Variants in DGLUCY observed in about 807,000 individuals in gnomAD.
DGLUCY encodes the protein D-glutamate cyclase, mitochondrial.
Under a neutral mutation model 58.5 loss-of-function variants are expected in DGLUCY, and 58 were observed. That is an observed-to-expected ratio of 0.99 (90% CI 0.80 to 1.23). The LOEUF is 1.23. Ranked by LOEUF, DGLUCY falls within the 50% of genes most tolerant of loss-of-function variation. The pLI, the probability that DGLUCY is intolerant of heterozygous loss-of-function variation, is 0.00. For synonymous variants in DGLUCY, 325 were observed against 314.1 expected (o/e 1.03, Z -0.37); for missense variants, 779 against 784.7 (o/e 0.99, Z 0.09).
chr14:91,141,375 A>G (rs2140252510), intron 1 of DGLUCY, among the ~76,000 whole-genome samples: 1 of 151,982 alleles, frequency 6.6e-6, no homozygotes, highest in East Asian at 1.9e-4. Context: ...GCCATCTAAA[A>G]AAAAAAAAAG....
intron 6 of DGLUCY, among the ~76,000 whole-genome samples, chr14:91,175,221 T>G (rs528269487): frequency 2.0e-5 from 3 of 152,202 alleles, no homozygotes; most frequent in South Asian, 2.1e-4. Context: ...CCCCAGCGTA[T>G]TCACTCAATC....
At chr14:91,122,657 A>C (rs1307449069) in intron 1 of DGLUCY, among the ~76,000 whole-genome samples, 7 of 127,778 alleles carry the variant, frequency 5.5e-5, no homozygotes, top group Non-Finnish European at 7.7e-5. Flanking sequence ...GACTGGAGTG[A>C]AGTGGCTCGA....
chr14:91,108,549 G>GAGAA (rs2044639278), intron 1 of DGLUCY, among the ~76,000 whole-genome samples: 1 of 150,112 alleles, frequency 6.7e-6, no homozygotes, highest in East Asian at 2.0e-4. Context: ...GAGAGAGAGA[G>GAGAA]AGAGAGAGAG....
chr14:91,180,744 GTGCCATAAGGAAAAATAGAAACGA>G (rs934359323), intron 7 of DGLUCY, among the ~76,000 whole-genome samples: 5 of 152,134 alleles, frequency 3.3e-5, no homozygotes, highest in East Asian at 1.9e-4. Flanking sequence ...CAAAATGTAA[GTGCCATAAGGAAAAATAGAAACGA>G]TGCCATAAGG....
intron 1 of DGLUCY, among the ~76,000 whole-genome samples, chr14:91,143,875 A>G (rs1263684020): frequency 1.3e-5 from 2 of 152,156 alleles, no homozygotes; most frequent in Non-Finnish European, 2.9e-5. Context: ...CGGAGACACA[A>G]ATATGCAAAG....
At chr14:91,190,729 A>G (rs1036493807) in intron 9 of DGLUCY, among the ~76,000 whole-genome samples, 7 of 151,974 alleles carry the variant, frequency 4.6e-5, no homozygotes, top group African/African-American at 1.7e-4. Context: ...AAGTGGGACG[A>G]GGGACAGAGA....
At chr14:91,140,114 A>G (rs1204065296) in intron 1 of DGLUCY, among the ~76,000 whole-genome samples, 1 of 152,232 alleles carries the variant, frequency 6.6e-6, no homozygotes, top group Non-Finnish European at 1.5e-5. Context: ...CTCAGCTTTC[A>G]GCTTCATTTT....
intron 3 of DGLUCY, among the ~76,000 whole-genome samples, chr14:91,160,930 G>C (rs546952743): frequency 5.3e-5 from 8 of 152,288 alleles, no homozygotes; most frequent in Non-Finnish European, 1.0e-4. Context: ...GTCTGGTTAT[G>C]GTATAAGTGC....
At chr14:91,165,922 A>C (rs1021335579) in intron 3 of DGLUCY, among the ~76,000 whole-genome samples, 1 of 152,220 alleles carries the variant, frequency 6.6e-6, no homozygotes, top group African/African-American at 2.4e-5. Flanking sequence ...ATTTGTCATA[A>C]CCCCAAATTG....
chr14:91,186,701 G>A (rs111256739), intron 8 of DGLUCY, among the ~76,000 whole-genome samples: 6 of 152,104 alleles, frequency 3.9e-5, no homozygotes, highest in African/African-American at 1.2e-4. Flanking sequence ...CAGTGGGCAC[G>A]AGAAGTGACT....
chr14:91,113,255 G>A (rs1274616472), upstream of DGLUCY, among the ~76,000 whole-genome samples: 5 of 152,146 alleles, frequency 3.3e-5, no homozygotes, highest in South Asian at 2.1e-4. Flanking sequence ...AGCGGAGATC[G>A]TGCCACTGCA....
intron 3 of DGLUCY, among the ~76,000 whole-genome samples, chr14:91,161,866 C>T (rs962964605): frequency 1.3e-5 from 2 of 149,672 alleles, no homozygotes; most frequent in African/African-American, 5.0e-5. Flanking sequence ...ATTACTTTTG[C>T]ACTACCTAAT....
intron 13 of DGLUCY, among the ~76,000 whole-genome samples, chr14:91,217,321 A>T (rs985503003): frequency 2.6e-5 from 4 of 151,966 alleles, no homozygotes; most frequent in Non-Finnish European, 5.9e-5. Context: ...AGGTCTGGGG[A>T]GATGGGAAAG....
At chr14:91,219,542 G>T (rs777625371) in intron 13 of DGLUCY, among the ~76,000 whole-genome samples, 2 of 152,234 alleles carry the variant, frequency 1.3e-5, no homozygotes, top group Non-Finnish European at 2.9e-5. Flanking sequence ...GCAGAGAAAT[G>T]TCCCACAGCT....
At chr14:91,150,659 C>T (rs2047276750) in intron 1 of DGLUCY, among the ~76,000 whole-genome samples, 1 of 152,064 alleles carries the variant, frequency 6.6e-6, no homozygotes, top group African/African-American at 2.4e-5. Context: ...CTCCTGGACT[C>T]AAGGGATCCT....
chr14:91,186,247 C>T (rs1253337257), intron 8 of DGLUCY, among the ~76,000 whole-genome samples: 1 of 151,328 alleles, frequency 6.6e-6, no homozygotes, highest in Non-Finnish European at 1.5e-5. Flanking sequence ...TATTCTTCTC[C>T]TCGCCCCCCC....
intron 1 of DGLUCY, among the ~76,000 whole-genome samples, chr14:91,116,139 C>G (rs1342736006): frequency 6.6e-6 from 1 of 152,134 alleles, no homozygotes; most frequent in Non-Finnish European, 1.5e-5. Context: ...CTCAGCCTTT[C>G]CAGGCGATCT....
At chr14:91,138,765 A>G (rs192064416) in intron 1 of DGLUCY, among the ~76,000 whole-genome samples, 72 of 152,212 alleles carry the variant, frequency 4.7e-4, no homozygotes, top group African/African-American at 1.7e-3. Flanking sequence ...CATCTCACAC[A>G]TGGTCCCTTC....
intron 1 of DGLUCY, among the ~76,000 whole-genome samples, chr14:91,156,440 C>T (rs1178525669): frequency 6.6e-6 from 1 of 152,200 alleles, no homozygotes; most frequent in East Asian, 1.9e-4. Flanking sequence ...CTTTTACAAA[C>T]AGTGCTGCTG....
Sources: gnomAD v4.1 joint callset for allele counts (sites outside exome capture counted in the v4.1 genomes callset) on GRCh38, gnomAD v4.1.1 for gene constraint, MANE v1.5 for transcripts, NCBI Gene and HGNC (gene_info 2026-07-23, HGNC 2026-07-21) for gene names.